Variants in KLRG1 observed in about 807,000 individuals in gnomAD.
KLRG1 encodes the protein killer cell lectin like receptor G1.
KLRG1 carries 16 observed loss-of-function variants against 21.8 expected under a neutral mutation model. The ratio of observed to expected loss-of-function variants is 0.73; its 90% confidence interval spans 0.50 to 1.11. KLRG1 has a LOEUF of 1.11. KLRG1 is among the 50% of genes most tolerant of loss of function. The pLI, the probability that KLRG1 is intolerant of heterozygous loss-of-function variation, is 0.00. For synonymous variants in KLRG1, 69 were observed against 75.9 expected, an observed-to-expected ratio of 0.91 and a Z score of 0.47; for missense variants, 173 against 218.3, an observed-to-expected ratio of 0.79 and a Z score of 1.31.
rs953820307 is a variant in KLRG1 at position 8,974,459 on chromosome 12, G to T, written c.-155-17747G>T. Among the ~76,000 whole-genome samples the T allele has an allele frequency of 2.2e-4, 33 of 152,116 alleles. 1 individual carries two copies. The highest frequency in any genetic ancestry group is 1.6e-4 in the Non-Finnish European group (11 of 68,028). ...TGGGATTACAGGCGTGAGCCACTGC[G>T]CCCGGCTGTCTCAGTTTTTTCTGTA... On this transcript the variant is annotated intron_variant, in intron 1 of 4. Transcript: ENST00000539240.
At chr12:9,077,616 T>C in the KLRG1 span, 2 of 1,561,246 alleles carry the variant, frequency 1.3e-6, no homozygotes, top group South Asian at 1.2e-5. Flanking sequence ...GGCTTTCCCT[T>C]AGAATTTTTC....
chr12:9,160,354 C>A, the KLRG1 span: 2 of 1,614,096 alleles, frequency 1.2e-6, no homozygotes, highest in East Asian at 4.5e-5. Context: ...TGATCTCCTG[C>A]GTCAGCTGCT....
the KLRG1 span, among the ~76,000 whole-genome samples, chr12:9,091,985 C>A: frequency 6.6e-6 from 1 of 152,172 alleles, no homozygotes; most frequent in Admixed American, 6.5e-5. Context: ...ATTAGCAATG[C>A]GTTTGAAAGA....
At chr12:9,043,076 C>T in the KLRG1 span, among the ~76,000 whole-genome samples, 4 of 131,192 alleles carry the variant, frequency 3.0e-5, no homozygotes, top group Admixed American at 8.0e-5. Flanking sequence ...TGGCAGATAT[C>T]TTTTTTTTTT....
the KLRG1 span, chr12:9,068,999 A>T: frequency 1.9e-6 from 1 of 524,982 alleles, no homozygotes; most frequent in East Asian, 3.0e-5. Flanking sequence ...CTCAGAGGGG[A>T]TGATAAATTC....
chr12:9,198,621 G>T, the KLRG1 span, among the ~76,000 whole-genome samples: 2 of 152,060 alleles, frequency 1.3e-5, no homozygotes, highest in Non-Finnish European at 2.9e-5. Flanking sequence ...ATAATTAGTG[G>T]GGTTATGTGT....
the KLRG1 span, chr12:9,098,516 A>G: frequency 7.2e-7 from 1 of 1,383,008 alleles, no homozygotes; most frequent in Non-Finnish European, 9.6e-7. Flanking sequence ...ATATAATTTT[A>G]ATTGATCTTA....
the KLRG1 span, among the ~76,000 whole-genome samples, chr12:9,065,661 G>A: frequency 6.6e-6 from 1 of 152,328 alleles, no homozygotes; most frequent in East Asian, 1.9e-4. Flanking sequence ...GTTCCTGGGT[G>A]GAAGGGGATG....
chr12:9,100,415 T>C, the KLRG1 span, among the ~76,000 whole-genome samples: 2 of 152,036 alleles, frequency 1.3e-5, no homozygotes, highest in African/African-American at 2.4e-5. Flanking sequence ...ATTTTATTTT[T>C]CCCCCTTTGT....
chr12:9,203,766 A>C, the KLRG1 span: 2 of 1,614,000 alleles, frequency 1.2e-6, no homozygotes, highest in Non-Finnish European at 1.7e-6. Flanking sequence ...CGTAGCACTC[A>C]CAGTGAAGGA....
chr12:9,064,251 A>G, the KLRG1 span: 1 of 152,478 alleles, frequency 6.6e-6, no homozygotes, highest in African/African-American at 2.4e-5. The surrounding 1 kb of genome is among the most constrained non-coding windows in gnomAD (Gnocchi z 4.0). Flanking sequence ...CTTCAATTTC[A>G]TTTGTTAAGG....
chr12:9,136,191 G>C, the KLRG1 span, among the ~76,000 whole-genome samples: 25 of 152,288 alleles, frequency 1.6e-4, no homozygotes, highest in Admixed American at 5.2e-4. Flanking sequence ...AAGACCCTTA[G>C]AAAGACTGTT....
At chr12:9,069,781 T>C in the KLRG1 span, 4 of 1,613,404 alleles carry the variant, frequency 2.5e-6, no homozygotes, top group South Asian at 4.4e-5. Flanking sequence ...TGCTGCTGAC[T>C]TCTGTCCGGC....
the KLRG1 span, among the ~76,000 whole-genome samples, chr12:9,185,030 C>T: frequency 6.6e-6 from 1 of 152,198 alleles, no homozygotes; most frequent in Non-Finnish European, 1.5e-5. Flanking sequence ...CATCTTCTTT[C>T]CTCCAAACAA....
At chr12:8,979,016 G>C (rs1946710915) in intron 1 of KLRG1, among the ~76,000 whole-genome samples, 1 of 145,944 alleles carries the variant, frequency 6.9e-6, no homozygotes, top group South Asian at 2.2e-4. Flanking sequence ...CACCTGGCCT[G>C]TCTTTTTTTT....
chr12:9,093,540 T>C, the KLRG1 span: 2 of 1,612,936 alleles, frequency 1.2e-6, no homozygotes, highest in South Asian at 1.1e-5. Context: ...CTCTTCAACA[T>C]GCACCAGGCG....
chr12:9,154,921 T>C, the KLRG1 span: 2 of 1,322,204 alleles, frequency 1.5e-6, no homozygotes, highest in East Asian at 2.5e-5. Context: ...ACATTCATAA[T>C]ACATGGAGCT....
chr12:8,992,801 G>C (rs1443764634), intron 2 of KLRG1, among the ~76,000 whole-genome samples: 2 of 151,968 alleles, frequency 1.3e-5, no homozygotes, highest in African/African-American at 4.8e-5. Context: ...GCCTCCCAAA[G>C]TGCTGGGATT....
chr12:9,048,289 T>A, the KLRG1 span, among the ~76,000 whole-genome samples: 1 of 152,168 alleles, frequency 6.6e-6, no homozygotes, highest in Admixed American at 6.6e-5. Flanking sequence ...CAAGAAGTCT[T>A]ACGAGAAATT....
Sources: allele counts gnomAD v4.1 joint callset (sites outside exome capture counted in the v4.1 genomes callset), GRCh38; gene constraint gnomAD v4.1.1; non-coding constraint Gnocchi (gnomAD v3.1); transcripts MANE v1.5; gene names NCBI Gene and HGNC (gene_info 2026-07-23, HGNC 2026-07-21).